The following JAM3 variants were observed in gnomAD, a reference collection of about 807,000 sequenced individuals.
JAM3 encodes the protein junctional adhesion molecule 3.
JAM3 carries 31 observed loss-of-function variants against 39.4 expected under a neutral mutation model. The observed-to-expected ratio is 0.79, with a 90% confidence interval of 0.59 to 1.06. The LOEUF is 1.06. Ranked by LOEUF, JAM3 falls within the 50% of genes least tolerant of loss-of-function variation. The probability of loss-of-function intolerance (pLI) is 0.00; values close to 1 mark genes in which losing one functional copy is unlikely to be tolerated. For missense variants in JAM3, 455 were observed against 391.4 expected (o/e 1.16, Z -1.37); for synonymous variants, 182 against 148.7 (o/e 1.22, Z -1.63).
At chr11:134,116,464 A>G (rs578034519) in intron 1 of JAM3, among the ~76,000 whole-genome samples, 39 of 152,268 alleles carry the variant, frequency 2.6e-4, no homozygotes, top group African/African-American at 7.7e-4. Context: ...TCTTTGTATT[A>G]TAATCCAATA....
At chr11:134,126,106 T>A (rs760699964) in intron 1 of JAM3, among the ~76,000 whole-genome samples, 2 of 152,152 alleles carry the variant, frequency 1.3e-5, no homozygotes, top group Non-Finnish European at 2.9e-5. Flanking sequence ...CGACATCCCT[T>A]CCCTGTCCCA....
In JAM3 at chr11:134,149,813, C is replaced by T. The variant is rs1943160551; in HGVS notation, c.*632C>T. On this transcript the variant is annotated 3_prime_UTR_variant, in exon 9 of 9. Coordinates refer to ENST00000299106, the MANE Select transcript of JAM3 (RefSeq NM_032801.5). ...GGAAGAGGGATCTTGCCTGAGGAACCCTGCTTGTCCAACAGGGTGTCAGGA... is the reference window on the plus strand; with the variant it reads ...GGAAGAGGGATCTTGCCTGAGGAACTCTGCTTGTCCAACAGGGTGTCAGGA... 2.1e-5 allele frequency: 8 copies of T among 375,134 alleles called. No homozygotes were observed. Among genetic ancestry groups the T allele is most frequent in the Non-Finnish European group, 4.3e-5 (8 of 186,846 alleles). 23.2% of individuals were successfully genotyped at this position (375,134 alleles called of 1,614,324 possible).
intron 1 of JAM3, among the ~76,000 whole-genome samples, chr11:134,137,748 C>T (rs1441580105): frequency 8.4e-6 from 1 of 118,910 alleles, no homozygotes; most frequent in African/African-American, 3.4e-5. Context: ...TCGTCAAAGT[C>T]GTGGTGCTCA....
At chr11:134,100,826 C>G (rs1381879714) in intron 1 of JAM3, among the ~76,000 whole-genome samples, 1 of 152,220 alleles carries the variant, frequency 6.6e-6, no homozygotes, top group Non-Finnish European at 1.5e-5. Context: ...ACTTCAAACT[C>G]AGATGTTCTA....
At chr11:134,096,845 A>G (rs1362769871) in intron 1 of JAM3, among the ~76,000 whole-genome samples, 1 of 152,214 alleles carries the variant, frequency 6.6e-6, no homozygotes, top group Non-Finnish European at 1.5e-5. Context: ...CAGTTAATAA[A>G]GGACTCCTCA....
At chr11:134,127,456 T>C (rs1304568500) in intron 1 of JAM3, among the ~76,000 whole-genome samples, 1 of 152,172 alleles carries the variant, frequency 6.6e-6, no homozygotes, top group Non-Finnish European at 1.5e-5. Context: ...CCCAGCACTT[T>C]GGGAGGCCAA....
chr11:134,091,258 G>A (rs773039661), intron 1 of JAM3, among the ~76,000 whole-genome samples: 47 of 152,092 alleles, frequency 3.1e-4, no homozygotes, highest in Non-Finnish European at 5.3e-4. Flanking sequence ...CACTTTGGGA[G>A]GCCGAGGTGG....
intron 1 of JAM3, among the ~76,000 whole-genome samples, chr11:134,115,085 G>T (rs142269505): frequency 6.6e-6 from 1 of 152,002 alleles, no homozygotes; most frequent in South Asian, 2.1e-4. Context: ...CCTCTTTATC[G>T]ATTTTTAAAT....
At chr11:134,130,603 A>AT (rs1779925160) in intron 1 of JAM3, among the ~76,000 whole-genome samples, 1 of 152,214 alleles carries the variant, frequency 6.6e-6, no homozygotes, top group Admixed American at 6.5e-5. Context: ...AACGAAGATT[A>AT]TAGCAACCAA....
At chr11:134,136,482 G>A (rs535202779) in intron 1 of JAM3, among the ~76,000 whole-genome samples, 2 of 152,236 alleles carry the variant, frequency 1.3e-5, no homozygotes, top group African/African-American at 2.4e-5. Flanking sequence ...GTGGCACCTT[G>A]GTCTGTTGGG....
At chr11:134,116,436 G>A (rs1039861138) in intron 1 of JAM3, among the ~76,000 whole-genome samples, 1 of 152,058 alleles carries the variant, frequency 6.6e-6, no homozygotes, top group Non-Finnish European at 1.5e-5. Flanking sequence ...TATTAGTGTG[G>A]ATTTATGGGT....
chr11:134,084,400 A>G (rs1191686364), intron 1 of JAM3, among the ~76,000 whole-genome samples: 1 of 152,240 alleles, frequency 6.6e-6, no homozygotes, highest in African/African-American at 2.4e-5. Flanking sequence ...AAGAGTAGTA[A>G]TAGCGTAAAG....
intron 4 of JAM3, 148 bp from the exon 5 acceptor site, chr11:134,144,644 G>C (rs770662502): frequency 8.8e-5 from 74 of 843,362 alleles, no homozygotes; most frequent in Non-Finnish European, 1.1e-4. Flanking sequence ...GCGGTGGCTT[G>C]TCAGTCTGCA....
chr11:134,130,433 A>G (rs1425372016), intron 1 of JAM3, among the ~76,000 whole-genome samples: 7 of 152,206 alleles, frequency 4.6e-5, no homozygotes, highest in Non-Finnish European at 1.0e-4. Context: ...ACAAAGATGA[A>G]TAAGAATTAC....
At chr11:134,137,196 T>C (rs756479584) in intron 1 of JAM3, among the ~76,000 whole-genome samples, 29 of 152,186 alleles carry the variant, frequency 1.9e-4, no homozygotes, top group Non-Finnish European at 4.0e-4. Context: ...ACGATTGCCA[T>C]TATTTAGCTT....
chr11:134,079,062 T>G (rs1421483948), intron 1 of JAM3, among the ~76,000 whole-genome samples: 4 of 152,036 alleles, frequency 2.6e-5, no homozygotes, highest in African/African-American at 9.7e-5. Flanking sequence ...AATTATGAAC[T>G]TAAATATTTG....
chr11:134,071,605 A>G (rs2120555086), intron 1 of JAM3, among the ~76,000 whole-genome samples: 1 of 152,358 alleles, frequency 6.6e-6, no homozygotes, highest in South Asian at 2.1e-4. Context: ...TGCCTTATTT[A>G]GAATTAAAAC....
At chr11:134,146,664 T>C (rs1591809402) in intron 6 of JAM3, among the ~76,000 whole-genome samples, 8 of 152,152 alleles carry the variant, frequency 5.3e-5, no homozygotes, top group Middle Eastern at 6.8e-3. Context: ...AAACCCAGCC[T>C]TCAAGCCATT....
intron 1 of JAM3, among the ~76,000 whole-genome samples, chr11:134,110,941 C>T (rs1048205933): frequency 1.3e-5 from 2 of 151,850 alleles, no homozygotes; most frequent in Non-Finnish European, 2.9e-5. Context: ...AAAAAGGATA[C>T]ACTAGCTCTG....
Sources: gnomAD v4.1 joint callset for allele counts (sites outside exome capture counted in the v4.1 genomes callset) on GRCh38, gnomAD v4.1.1 for gene constraint, MANE v1.5 for transcripts, NCBI Gene and HGNC (gene_info 2026-07-23, HGNC 2026-07-21) for gene names.